CDKN2B-AS1: variants seen among roughly 807,000 people sequenced by gnomAD.
CDKN2B-AS1 encodes CDKN2B and CDKN2A antisense cis and trans regulatory RNA 1, also known as CDKN2B antisense RNA 1 (non-protein coding).
At chr9:22,076,754 G>A (rs1022143602) in intron 4 of CDKN2B-AS1, among the ~76,000 whole-genome samples, 1 of 152,072 alleles carries the variant, frequency 6.6e-6, no homozygotes, top group South Asian at 2.1e-4. Context: ...GTGCAGTGGC[G>A]CAATCTTGGC....
intron 4 of CDKN2B-AS1, among the ~76,000 whole-genome samples, chr9:22,127,068 A>G (rs113000191): frequency 1.7e-4 from 26 of 152,080 alleles, no homozygotes; most frequent in African/African-American, 6.3e-4. Context: ...TTGGAGCTAA[A>G]TGTTTTCTTT....
chr9:22,115,540 C>T (rs138730159), intron 4 of CDKN2B-AS1, among the ~76,000 whole-genome samples: 1 of 152,106 alleles, frequency 6.6e-6, no homozygotes, highest in African/African-American at 2.4e-5. Flanking sequence ...ACACTTTAGC[C>T]TTTTCTTTCT....
intron 1 of CDKN2B-AS1, among the ~76,000 whole-genome samples, chr9:22,025,286 G>A (rs143849772): frequency 6.6e-6 from 1 of 152,320 alleles, no homozygotes; most frequent in East Asian, 1.9e-4. Flanking sequence ...GGACCTGTGG[G>A]AGATGGACTG....
chr9:22,124,450 G>T (rs1399789507), intron 4 of CDKN2B-AS1, among the ~76,000 whole-genome samples: 1 of 152,152 alleles, frequency 6.6e-6, no homozygotes, highest in Non-Finnish European at 1.5e-5. Flanking sequence ...AGGGCTGTGG[G>T]ACAAGTCAGG....
chr9:21,998,733 T>C (rs562948645), intron 1 of CDKN2B-AS1, among the ~76,000 whole-genome samples: 152 of 152,316 alleles, frequency 1.0e-3, no homozygotes, highest in African/African-American at 3.3e-3. Context: ...CCTTGTCTTG[T>C]TCTCCTCCTC....
chr9:22,035,211 C>T (rs182156643), intron 1 of CDKN2B-AS1, among the ~76,000 whole-genome samples: 1 of 152,066 alleles, frequency 6.6e-6, no homozygotes, highest in East Asian at 1.9e-4. Context: ...CTGCTGAGGG[C>T]AGCTGGAACT....
At chr9:22,079,060 T>C (rs1033286746) in intron 4 of CDKN2B-AS1, among the ~76,000 whole-genome samples, 1 of 152,248 alleles carries the variant, frequency 6.6e-6, no homozygotes, top group African/African-American at 2.4e-5. Context: ...AAGATATTTT[T>C]CTAGTTGGCC....
intron 4 of CDKN2B-AS1, among the ~76,000 whole-genome samples, chr9:22,126,671 C>T (rs1166880446): frequency 1.4e-5 from 2 of 143,050 alleles, no homozygotes; most frequent in African/African-American, 5.1e-5. Flanking sequence ...CTCCGGAGTT[C>T]ACGCCATTCT....
intron 1 of CDKN2B-AS1, among the ~76,000 whole-genome samples, chr9:22,035,454 T>TG (rs886261098): frequency 2.0e-5 from 3 of 152,154 alleles, no homozygotes; most frequent in Non-Finnish European, 2.9e-5. Flanking sequence ...ATATGTTGAT[T>TG]GGCGTCAAAC....
At position 22,086,143 on chromosome 9, in the gene CDKN2B-AS1, A is replaced by G. The variant is rs185005185; in HGVS notation, n.438+29756A>G. 7.6e-4 allele frequency among the ~76,000 whole-genome samples: 116 copies of G among 152,278 alleles called. 1 individual carries two copies. The highest frequency in any genetic ancestry group is 2.5e-3 in the African/African-American group (103 of 41,552). On this transcript the variant is annotated intron_variant and non_coding_transcript_variant, in intron 4 of 4. Coordinates refer to ENST00000650946, the Ensembl canonical transcript of CDKN2B-AS1. ...ATTTAAAATTGGAATAAAAATCTCA[A>G]TGTGGTAGAGTTATTATTGAGATGA...
chr9:22,004,358 G>A (rs1349784642), intron 1 of CDKN2B-AS1: 2 of 231,992 alleles, frequency 8.6e-6, no homozygotes, highest in Non-Finnish European at 1.7e-5. Flanking sequence ...GGTAGAATGA[G>A]CATTTAGAAG....
rs1587370760 is a variant in CDKN2B-AS1, at chr9:22,001,052, G to T, written n.29+5891G>T. 1.3e-5 allele frequency among the ~76,000 whole-genome samples: 2 copies of T among 152,136 alleles called. No individual in the cohort carries two copies. Among genetic ancestry groups the T allele is most frequent in the Admixed American group, 1.3e-4 (2 of 15,272 alleles). On this transcript the variant is annotated intron_variant and non_coding_transcript_variant, in intron 1 of 4. Transcript: ENST00000650946. This position sits in a 1 kb window ranked among gnomAD's most constrained non-coding sequence, Gnocchi z 4.2. ...TAGCCAAGGGGATGGAAGAATTTGT[G>T]CATAGATAGACGGCAGATGGGAATT...
At chr9:22,008,608 G>A (rs1821312262) in intron 1 of CDKN2B-AS1, 49 of 1,530,206 alleles carry the variant, frequency 3.2e-5, no homozygotes, top group Non-Finnish European at 4.2e-5. Flanking sequence ...TTAAACAGTG[G>A]GTTTTTCAAT....
At chr9:22,076,947 A>G (rs1321759491) in intron 4 of CDKN2B-AS1, among the ~76,000 whole-genome samples, 1 of 152,164 alleles carries the variant, frequency 6.6e-6, no homozygotes, top group East Asian at 1.9e-4. Context: ...AGCCTCCCAA[A>G]GTGCTGGGAT....
At chr9:22,047,077 C>T (rs1014068122) in intron 2 of CDKN2B-AS1, among the ~76,000 whole-genome samples, 3 of 152,050 alleles carry the variant, frequency 2.0e-5, no homozygotes, top group African/African-American at 4.8e-5. Context: ...AAGATTAAAT[C>T]CATGTGATAC....
intron 1 of CDKN2B-AS1, chr9:22,003,113 T>C (rs1474833992): frequency 4.7e-6 from 1 of 214,204 alleles, no homozygotes; most frequent in Non-Finnish European, 9.4e-6. Flanking sequence ...AGTGAAATCC[T>C]TAACAAATTT....
At chr9:22,064,924 G>C (rs1162080953) in intron 4 of CDKN2B-AS1, among the ~76,000 whole-genome samples, 1 of 152,162 alleles carries the variant, frequency 6.6e-6, no homozygotes, top group Middle Eastern at 3.2e-3. Context: ...GCAATTGTTT[G>C]TGGGAAAGCA....
chr9:22,126,592 T>TTTTTG (rs1818027530), intron 4 of CDKN2B-AS1, among the ~76,000 whole-genome samples: 1 of 148,664 alleles, frequency 6.7e-6, no homozygotes, highest in African/African-American at 2.5e-5. Flanking sequence ...TTTTTTTTTT[T>TTTTTG]TTTGAGACGG....
intron 1 of CDKN2B-AS1, among the ~76,000 whole-genome samples, chr9:22,044,101 C>A (rs1158633180): frequency 6.6e-6 from 1 of 151,958 alleles, no homozygotes; most frequent in African/African-American, 2.4e-5. Context: ...AAAGAAGGAA[C>A]AGTGGAAGTC....
Sources: allele counts gnomAD v4.1 joint callset (sites outside exome capture counted in the v4.1 genomes callset), GRCh38; gene constraint gnomAD v4.1.1; non-coding constraint Gnocchi (gnomAD v3.1); transcripts MANE v1.5; gene names NCBI Gene and HGNC (gene_info 2026-07-23, HGNC 2026-07-21).